Variants in CLMN observed in about 807,000 individuals in gnomAD.
CLMN encodes the protein calmin.
Under a neutral mutation model 92.7 loss-of-function variants are expected in CLMN, and 57 were observed. The ratio of observed to expected loss-of-function variants is 0.61; its 90% CI spans 0.50 to 0.77. The LOEUF is 0.77. Among genes scored for constraint, CLMN ranks in the 30% least tolerant of loss-of-function variants. The pLI is 0.00. For synonymous variants in CLMN, 466 were observed against 470.6 expected (o/e 0.99, Z 0.13); for missense variants, 1,158 against 1,237.5 (o/e 0.94, Z 0.96).
At chr14:95,319,688 G>A (rs376698283) in intron 1 of CLMN, 23 bp downstream of exon 1, 115 of 1,583,612 alleles carry the variant, frequency 7.3e-5, no homozygotes, top group Non-Finnish European at 1.8e-5. Flanking sequence ...CAGCCATCCC[G>A]GGGCGAGCCT....
At chr14:95,231,450 G>A (rs925319657) in intron 1 of CLMN, among the ~76,000 whole-genome samples, 13 of 151,914 alleles carry the variant, frequency 8.6e-5, no homozygotes, top group Non-Finnish European at 2.9e-5. Flanking sequence ...CGCCCACCTC[G>A]GCCTCCCAAA....
At chr14:95,290,962 T>C (rs1900541221) in intron 1 of CLMN, among the ~76,000 whole-genome samples, 1 of 152,190 alleles carries the variant, frequency 6.6e-6, no homozygotes, top group African/African-American at 2.4e-5. Flanking sequence ...GCAGCAGAGA[T>C]GACACAAACA....
intron 1 of CLMN, among the ~76,000 whole-genome samples, chr14:95,309,074 T>G (rs1404132654): frequency 6.6e-6 from 1 of 152,008 alleles, no homozygotes; most frequent in Non-Finnish European, 1.5e-5. Flanking sequence ...AGAGGGAGGC[T>G]AGGGAGGTTG....
At chr14:95,291,400 G>T (rs1040596238) in intron 1 of CLMN, among the ~76,000 whole-genome samples, 1 of 152,222 alleles carries the variant, frequency 6.6e-6, no homozygotes. Flanking sequence ...ACCTGGGACC[G>T]CATGCTGCCT....
intron 6 of CLMN, 31 bp from the exon 7 acceptor site, chr14:95,210,910 T>G: frequency 6.7e-7 from 1 of 1,490,134 alleles, no homozygotes; most frequent in Non-Finnish European, 8.9e-7. Flanking sequence ...GCGGCCAGGA[T>G]GCTGGTTAGT....
intron 1 of CLMN, among the ~76,000 whole-genome samples, chr14:95,268,604 G>C (rs1899574273): frequency 1.3e-5 from 2 of 151,964 alleles, no homozygotes; most frequent in Admixed American, 1.3e-4. Context: ...AATCTACATA[G>C]GTGCTAAGAT....
intron 2 of CLMN, among the ~76,000 whole-genome samples, chr14:95,228,220 A>G (rs1897771870): frequency 6.6e-6 from 1 of 152,226 alleles, no homozygotes; most frequent in South Asian, 2.1e-4. Context: ...CCCCAGCAGG[A>G]ATTTCCAGCT....
At chr14:95,216,776 T>A (rs146280567) in intron 4 of CLMN, among the ~76,000 whole-genome samples, 2 of 152,370 alleles carry the variant, frequency 1.3e-5, no homozygotes, top group African/African-American at 4.8e-5. Context: ...CACAGAATGA[T>A]GCTCCTGGTA....
At chr14:95,258,488 GGT>G (rs1186317757) in intron 1 of CLMN, among the ~76,000 whole-genome samples, 1 of 147,590 alleles carries the variant, frequency 6.8e-6, no homozygotes, top group Non-Finnish European at 1.5e-5. Context: ...ATGCATCTGT[GGT>G]GTGTGTGTTG....
intron 3 of CLMN, 95 bp downstream of exon 3, chr14:95,223,665 A>C: frequency 1.1e-6 from 1 of 917,452 alleles, no homozygotes; most frequent in African/African-American, 1.7e-5. Context: ...GTTTCTTATT[A>C]TAGGATATGT....
In CLMN at chr14:95,182,014, C is replaced by G. The variant is rs1270592650; in HGVS notation, c.*9550G>C. ...TTTACAAGATCATTCATCATAGCAC[C>G]AAGCCTAATATTCCTTAATAGAAAA... On this transcript the variant is annotated 3_prime_UTR_variant, in exon 13 of 13. Coordinates refer to ENST00000298912, the MANE Select transcript of CLMN (RefSeq NM_024734.4). The G allele has an allele frequency of 1.3e-5, 2 of 152,116 alleles. No homozygotes were observed. The highest frequency in any genetic ancestry group is 2.9e-5 in the Non-Finnish European group (2 of 68,014). The allele number at this position is 152,116 out of a possible 1,614,324, so 9.4% of individuals were successfully genotyped here.
intron 1 of CLMN, among the ~76,000 whole-genome samples, chr14:95,254,121 C>A (rs1320813135): frequency 6.6e-6 from 1 of 152,140 alleles, no homozygotes; most frequent in Non-Finnish European, 1.5e-5. Flanking sequence ...AGGTCTGGAC[C>A]TTTGTCCCCA....
At position 95,194,469 on chromosome 14, in the gene CLMN, G is replaced by A. The variant is rs906100051; in HGVS notation, c.2769+67C>T. 8.1e-6 allele frequency: 13 copies of A among 1,612,164 alleles called. 1 individual carries two copies. Among genetic ancestry groups the A allele is most frequent in the African/African-American group, 2.7e-5 (2 of 74,858 alleles). The stretch of plus-strand genomic sequence containing the variant: ...TAATTTCAAAGCTCTGGGCTGGGGA[G>A]GAGGAAGGATGGAAAGGAATTGATT... On this transcript the variant is annotated intron_variant, in intron 11 of 12. Coordinates refer to ENST00000298912, the MANE Select transcript of CLMN (RefSeq NM_024734.4). This position sits in a 1 kb window ranked among gnomAD's most constrained non-coding sequence, Gnocchi z 4.0.
rs149002315 is a variant in CLMN, at chr14:95,203,078, G to C, written c.2271C>G (p.Leu757=). Residue 757 remains leucine, a synonymous_variant, in exon 9 of 13, where the codon CTC becomes CTG. Transcript: ENST00000298912. ...PEDLKNEEMD[L]EEPEGYMPDL... ...CTGGCATATAGCCCTCTGGCTCTTC[G>C]AGATCCATTTCTTCATTTTTTAGAT... 1.9e-6 allele frequency: 3 copies of C among 1,613,820 alleles called. No individual in the cohort carries two copies. The highest frequency in any genetic ancestry group is 1.7e-5 in the Admixed American group (1 of 59,994).
rs897362545 is a variant in CLMN at position 95,182,852 on chromosome 14, A to G, written c.*8712T>C. 1 of 152,196 alleles carries G rather than the reference A, an allele frequency of 6.6e-6. No individual in the cohort carries two copies. The highest frequency in any genetic ancestry group is 2.4e-5 in the African/African-American group (1 of 41,452). 9.4% of individuals were successfully genotyped at this position (152,196 alleles called of 1,614,324 possible). ...TTAAGGAGACCAATTTCCTTCTAAC[A>G]GCCCTAGGAAGCAGATTTCCCAGGT... On this transcript the variant is annotated 3_prime_UTR_variant, in exon 13 of 13. Transcript: ENST00000298912.
At chr14:95,280,382 T>C (rs1900100761) in intron 1 of CLMN, among the ~76,000 whole-genome samples, 1 of 152,170 alleles carries the variant, frequency 6.6e-6, no homozygotes, top group African/African-American at 2.4e-5. Flanking sequence ...CATGTAACAT[T>C]AAAAGATAAT....
chr14:95,318,136 T>C (rs1246433389), intron 1 of CLMN, among the ~76,000 whole-genome samples: 1 of 152,200 alleles, frequency 6.6e-6, no homozygotes, highest in Non-Finnish European at 1.5e-5. Flanking sequence ...CAGGAACTTG[T>C]TGCACGAAGC....
rs946482580 is a variant in CLMN at position 95,268,189 on chromosome 14, T to C, written c.83-38056A>G. Among the ~76,000 whole-genome samples the C allele has an allele frequency of 2.7e-4, 41 of 152,140 alleles. 1 individual carries two copies. Among genetic ancestry groups the C allele is most frequent in the Admixed American group, 2.0e-3 (30 of 15,274 alleles). On this transcript the variant is annotated intron_variant, in intron 1 of 12. Transcript: ENST00000298912. ...AAAAATTTGAAGCACAAAGAGAAGA[T>C]AAATGTTTGAGGTGATGGATACCCC...
chr14:95,245,796 T>TGGA (rs1898540541), intron 1 of CLMN, among the ~76,000 whole-genome samples: 1 of 140,240 alleles, frequency 7.1e-6, no homozygotes, highest in African/African-American at 2.7e-5. Flanking sequence ...GGTTGGATTA[T>TGGA]TGGATGGATG....
Sources: allele counts gnomAD v4.1 joint callset (sites outside exome capture counted in the v4.1 genomes callset), GRCh38; gene constraint gnomAD v4.1.1; non-coding constraint Gnocchi (gnomAD v3.1); transcripts MANE v1.5; gene names NCBI Gene and HGNC (gene_info 2026-07-23, HGNC 2026-07-21).